ITGB3BP: variants seen among roughly 807,000 people sequenced by gnomAD.
The protein encoded by ITGB3BP is centromere protein R.
ITGB3BP carries 27 observed loss-of-function variants against 29.1 expected under a neutral mutation model. That is an observed-to-expected ratio of 0.93 (90% CI 0.68 to 1.28). The LOEUF (loss-of-function observed/expected upper bound fraction) is 1.28, where lower values mean the gene tolerates loss of function less well. Ranked by LOEUF, ITGB3BP falls within the 50% of genes most tolerant of loss-of-function variation. ITGB3BP has a pLI of 0.00. For synonymous variants in ITGB3BP, 61 were observed against 61.4 expected (o/e 0.99, Z 0.03); for missense variants, 192 against 200.2 (o/e 0.96, Z 0.25).
chr1:63,503,995 G>A (rs61766999), intron 2 of ITGB3BP, among the ~76,000 whole-genome samples: 1 of 151,830 alleles, frequency 6.6e-6, no homozygotes, highest in Admixed American at 6.6e-5. Flanking sequence ...TGGCGATGCA[G>A]GCTCTTTTTT....
chr1:63,521,745 G>A (rs1646452326), intron 1 of ITGB3BP, among the ~76,000 whole-genome samples: 2 of 152,052 alleles, frequency 1.3e-5, no homozygotes, highest in South Asian at 4.1e-4. Context: ...TCACAGCACT[G>A]CACTCCAGCC....
At chr1:63,494,153 T>A (rs1180326402) in intron 2 of ITGB3BP, among the ~76,000 whole-genome samples, 1 of 152,220 alleles carries the variant, frequency 6.6e-6, no homozygotes, top group African/African-American at 2.4e-5. Context: ...CTTCTTTTTT[T>A]TTTTGACACA....
chr1:63,510,048 A>G, intron 1 of ITGB3BP: 1 of 581,084 alleles, frequency 1.7e-6, no homozygotes, highest in Non-Finnish European at 3.1e-6. Context: ...ATATTAGCCT[A>G]GCGTGGTGGT....
intron 2 of ITGB3BP, among the ~76,000 whole-genome samples, chr1:63,495,949 T>A (rs1645776560): frequency 6.6e-6 from 1 of 152,170 alleles, no homozygotes; most frequent in African/African-American, 2.4e-5. Context: ...CTTTTCCATG[T>A]GTCTACTCAT....
Position 63,446,812 on chromosome 1 carries a change from T to G in ITGB3BP, c.529A>C (p.Asn177His), listed in dbSNP as rs2100472247. The G allele has an allele frequency of 2.5e-6, 4 of 1,608,464 alleles. No individual in the cohort carries two copies. Among genetic ancestry groups the G allele is most frequent in the Non-Finnish European group, 2.6e-6 (3 of 1,175,148 alleles). ...TAGAAAGGTGAAACAGTACCTCAGT[T>G]TAAAATGGCTTTAAGGAATTCATAG... is the stretch of plus-strand genomic sequence containing the variant. ...DSYEFLKAILN is the reference protein window; with the variant it reads ...DSYEFLKAILH Residue 177 changes from asparagine to histidine, a missense_variant, in exon 8 of 9, where the codon AAC becomes CAC. Coordinates refer to ENST00000271002, the MANE Select transcript of ITGB3BP (RefSeq NM_014288.5).
chr1:63,458,891 A>G (rs1435026245), intron 4 of ITGB3BP, among the ~76,000 whole-genome samples: 2 of 152,130 alleles, frequency 1.3e-5, no homozygotes, highest in East Asian at 3.9e-4. Context: ...CCCATCCTGC[A>G]GTTTTCTCAT....
At chr1:63,473,525 G>T (rs1414527759) in intron 4 of ITGB3BP, among the ~76,000 whole-genome samples, 5 of 143,996 alleles carry the variant, frequency 3.5e-5, no homozygotes, top group African/African-American at 1.3e-4. Context: ...GGGAGGTGGG[G>T]GGTCAGCCCC....
chr1:63,527,541 G>A (rs1646616390), upstream of ITGB3BP, among the ~76,000 whole-genome samples: 1 of 151,950 alleles, frequency 6.6e-6, no homozygotes, highest in Admixed American at 6.6e-5. Flanking sequence ...ATAGATGCAT[G>A]TCAGAACTTT....
chr1:63,480,689 C>G (rs1645423482), intron 3 of ITGB3BP, among the ~76,000 whole-genome samples: 1 of 151,992 alleles, frequency 6.6e-6, no homozygotes, highest in African/African-American at 2.4e-5. Context: ...CCAAAATAGT[C>G]TCTAATGCAA....
At chr1:63,487,438 A>T (rs34755375) in intron 3 of ITGB3BP, among the ~76,000 whole-genome samples, 20,297 of 152,044 alleles carry the variant, frequency 0.13, 1,509 homozygotes, top group Middle Eastern at 0.25. Context: ...ATATAGAGTT[A>T]TGTGTCACTT....
At chr1:63,452,647 T>TA (rs145593230) in intron 7 of ITGB3BP, among the ~76,000 whole-genome samples, 51 of 150,376 alleles carry the variant, frequency 3.4e-4, no homozygotes, top group Admixed American at 1.2e-3. Flanking sequence ...TTTTTTTTTT[T>TA]AAAAGATCCC....
At chr1:63,490,049 C>T in intron 3 of ITGB3BP, 34 bp downstream of exon 3, 1 of 1,584,758 alleles carries the variant, frequency 6.3e-7, no homozygotes, top group Non-Finnish European at 8.6e-7. Flanking sequence ...ACTAGAAAAA[C>T]CTTACAATAA....
At chr1:63,520,980 T>C (rs1260732858) in intron 1 of ITGB3BP, among the ~76,000 whole-genome samples, 1 of 152,226 alleles carries the variant, frequency 6.6e-6, no homozygotes, top group Non-Finnish European at 1.5e-5. Flanking sequence ...CTATTGTCAC[T>C]GAACATTTGC....
chr1:63,516,727 A>G (rs1557658351), intron 1 of ITGB3BP, among the ~76,000 whole-genome samples: 11 of 149,556 alleles, frequency 7.4e-5, no homozygotes. Context: ...AAAAAAAAAA[A>G]GAAAAAAGAA....
At chr1:63,475,143 T>C (rs1557626688) in intron 4 of ITGB3BP, among the ~76,000 whole-genome samples, 1 of 151,800 alleles carries the variant, frequency 6.6e-6, no homozygotes, top group African/African-American at 2.4e-5. Flanking sequence ...CCCACCTAAT[T>C]TAAAAAAAAA....
At chr1:63,481,398 T>C (rs1475012501) in intron 3 of ITGB3BP, among the ~76,000 whole-genome samples, 1 of 152,168 alleles carries the variant, frequency 6.6e-6, no homozygotes, top group Admixed American at 6.5e-5. Flanking sequence ...GAGTAGTAAA[T>C]GTAGTAAATG....
chr1:63,478,810 GGTGATT>G lies in ITGB3BP; in HGVS notation c.202_207del (p.Asn68_His69del), dbSNP rs778777768. The G allele has an allele frequency of 7.0e-7, 1 of 1,437,216 alleles. No individual in the cohort carries two copies. The highest frequency in any genetic ancestry group is 1.5e-5 in the African/African-American group (1 of 67,844). The allele number at this position is 1,437,216 out of a possible 1,614,324, so 89.0% of individuals were successfully genotyped here. A position where few individuals can be genotyped will look rare whatever the true frequency, so the allele number is the denominator to read the frequency against. ...GATTCTTTGCTTTCAGTTAAACTGG[GGTGATT>G]CAATTTTTTTCTCTTTTCTATATAT... On this transcript the variant is annotated inframe_deletion, in exon 4 of 9. Transcript: ENST00000271002.
At chr1:63,471,373 TC>T (rs1645194162) in intron 4 of ITGB3BP, among the ~76,000 whole-genome samples, 1 of 149,738 alleles carries the variant, frequency 6.7e-6, no homozygotes, top group South Asian at 2.2e-4. Flanking sequence ...TGCCTCAGCC[TC>T]CCAAGTAGCT....
At chr1:63,522,224 T>A (rs1646466881) in intron 1 of ITGB3BP, among the ~76,000 whole-genome samples, 4 of 152,234 alleles carry the variant, frequency 2.6e-5, no homozygotes, top group Admixed American at 6.5e-5. Context: ...ACATTGTAAT[T>A]CAAGATTCAA....
Sources: gnomAD v4.1 joint callset for allele counts (sites outside exome capture counted in the v4.1 genomes callset) on GRCh38, gnomAD v4.1.1 for gene constraint, MANE v1.5 for transcripts, NCBI Gene and HGNC (gene_info 2026-07-23, HGNC 2026-07-21) for gene names.